Variants in SPOCK3 observed in about 807,000 individuals in gnomAD.
SPOCK3 encodes SPARC (osteonectin), cwcv and kazal like domains proteoglycan 3.
A neutral mutation model predicts 56.6 loss-of-function variants in SPOCK3; 30 were observed. The ratio of observed to expected loss-of-function variants is 0.53; its 90% CI spans 0.40 to 0.72. SPOCK3 has a LOEUF of 0.72. SPOCK3 is among the 30% of genes least tolerant of loss of function. SPOCK3 has a pLI of 0.00. For missense variants in SPOCK3, 527 were observed against 530.0 expected (o/e 0.99, Z 0.06); for synonymous variants, 196 against 183.3 (o/e 1.07, Z -0.56).
intron 4 of SPOCK3, among the ~76,000 whole-genome samples, chr4:166,949,082 T>C (rs1206198511): frequency 6.6e-6 from 1 of 152,178 alleles, no homozygotes; most frequent in Non-Finnish European, 1.5e-5. Flanking sequence ...TCTCACTTCA[T>C]TTCATTCATT....
chr4:166,997,534 C>T (rs1748510176), intron 4 of SPOCK3, among the ~76,000 whole-genome samples: 1 of 152,038 alleles, frequency 6.6e-6, no homozygotes, highest in South Asian at 2.1e-4. Flanking sequence ...TCAAAATTTT[C>T]TTCCTAAATA....
chr4:167,076,466 A>C (rs1481888422), intron 2 of SPOCK3, among the ~76,000 whole-genome samples: 1 of 151,860 alleles, frequency 6.6e-6, no homozygotes, highest in Admixed American at 6.6e-5. Flanking sequence ...TGTTCTAAAA[A>C]AAAGAAAAGT....
chr4:166,952,733 G>C (rs1742833233), intron 4 of SPOCK3, among the ~76,000 whole-genome samples: 1 of 152,134 alleles, frequency 6.6e-6, no homozygotes, highest in African/African-American at 2.4e-5. Context: ...TACCAAAACA[G>C]AGATATAGAT....
At chr4:167,134,221 T>G (rs926576795) in intron 2 of SPOCK3, among the ~76,000 whole-genome samples, 2 of 151,416 alleles carry the variant, frequency 1.3e-5, no homozygotes, top group South Asian at 4.2e-4. Context: ...TTTGTAGAGA[T>G]AGGGTTTCGC....
At chr4:166,847,285 T>C (rs2126856756) in intron 6 of SPOCK3, among the ~76,000 whole-genome samples, 1 of 152,184 alleles carries the variant, frequency 6.6e-6, no homozygotes, top group South Asian at 2.1e-4. Context: ...TTTATTTTAT[T>C]ATTCAGTCAG....
chr4:167,109,541 A>G (rs983895388), intron 2 of SPOCK3, among the ~76,000 whole-genome samples: 14 of 130,014 alleles, frequency 1.1e-4, no homozygotes, highest in African/African-American at 4.0e-4. Context: ...TATAAATATA[A>G]CTATATATGT....
At chr4:166,888,826 T>C (rs1263927392) in intron 6 of SPOCK3, among the ~76,000 whole-genome samples, 2 of 151,860 alleles carry the variant, frequency 1.3e-5, no homozygotes, top group African/African-American at 4.8e-5. Flanking sequence ...AAAAAAATGA[T>C]ATAAAACACA....
chr4:167,172,197 T>C (rs1730563431), intron 2 of SPOCK3, among the ~76,000 whole-genome samples: 1 of 152,100 alleles, frequency 6.6e-6, no homozygotes. Context: ...GGTACAACAT[T>C]TGCTGTGCCT....
chr4:167,053,067 C>T (rs1347257433), intron 3 of SPOCK3, among the ~76,000 whole-genome samples: 1 of 152,000 alleles, frequency 6.6e-6, no homozygotes, highest in Non-Finnish European at 1.5e-5. Context: ...ACATATCAGG[C>T]TGTGAATGTT....
intron 4 of SPOCK3, among the ~76,000 whole-genome samples, chr4:166,950,349 A>T (rs1230423578): frequency 3.3e-5 from 5 of 151,562 alleles, no homozygotes; most frequent in East Asian, 3.9e-4. Flanking sequence ...AGGCCATTAC[A>T]TAATGGTAAA....
intron 3 of SPOCK3, among the ~76,000 whole-genome samples, chr4:167,057,956 C>T (rs1312647846): frequency 6.6e-6 from 1 of 152,130 alleles, no homozygotes; most frequent in Non-Finnish European, 1.5e-5. Context: ...ATCTACAGAA[C>T]TCTCCACCCC....
rs1748823284 is a variant in SPOCK3, at chr4:167,000,357, A to G, written c.342T>C (p.Leu114=). 5 of 1,550,054 alleles carry G rather than the reference A, an allele frequency of 3.2e-6. No individual in the cohort carries two copies. Among genetic ancestry groups the G allele is most frequent in the Non-Finnish European group, 2.7e-6 (3 of 1,131,634 alleles). ...QTAVCISHRR[L]THRMKEAGVD... ...AATTTAACAATGTTTACCTGTGTGTAAGCCTCCGGTGACTAATGCAGACTG... is the reference window on the plus strand; with the variant it reads ...AATTTAACAATGTTTACCTGTGTGTGAGCCTCCGGTGACTAATGCAGACTG... Residue 114 remains leucine, a synonymous_variant, in exon 4 of 11, where the codon CTT becomes CTC. Coordinates refer to ENST00000357545, the MANE Select transcript of SPOCK3 (RefSeq NM_001040159.2).
rs755427328 is a variant in SPOCK3 at position 167,000,359 on chromosome 4, G to C, written c.340C>G (p.Leu114Val). Residue 114 changes from leucine to valine, a missense_variant, in exon 4 of 11, where the codon CTT becomes GTT. By Grantham distance (32) the Leu-to-Val change is conservative. Transcript: ENST00000357545. ...QTAVCISHRR[L>V]THRMKEAGVD... is the part of the protein sequence containing the mutation. ...TTTAACAATGTTTACCTGTGTGTAA[G>C]CCTCCGGTGACTAATGCAGACTGCA... The C allele has an allele frequency of 6.4e-7, 1 of 1,556,402 alleles. No individual in the cohort carries two copies. Among genetic ancestry groups the C allele is most frequent in the Non-Finnish European group, 8.8e-7 (1 of 1,136,870 alleles).
At chr4:167,147,698 C>G (rs1208230833) in intron 2 of SPOCK3, among the ~76,000 whole-genome samples, 1 of 152,094 alleles carries the variant, frequency 6.6e-6, no homozygotes, top group African/African-American at 2.4e-5. Context: ...TCTCAGCAAA[C>G]TATCACAAGA....
At chr4:166,873,699 A>G (rs960847756) in intron 6 of SPOCK3, among the ~76,000 whole-genome samples, 40 of 152,168 alleles carry the variant, frequency 2.6e-4, no homozygotes, top group Non-Finnish European at 4.9e-4. Context: ...TGTTACTACT[A>G]AATTAGTTTG....
Position 166,762,947 on chromosome 4 carries a change from C to A in SPOCK3, c.710-8218G>T, listed in dbSNP as rs1002026606. Among the ~76,000 whole-genome samples, 3 of 151,954 alleles carry A rather than the reference C, an allele frequency of 2.0e-5. No individual in the cohort carries two copies. The South Asian group carries it at 6.2e-4, about 31-fold the overall frequency. On this transcript the variant is annotated intron_variant, in intron 7 of 10. Transcript: ENST00000357545. The stretch of plus-strand genomic sequence containing the variant: ...GCCTTAACATATCAGCAATTGAGGT[C>A]TCAGAAGAATACTCGAAGTGTGGGG...
At chr4:167,147,936 T>C (rs889255155) in intron 2 of SPOCK3, among the ~76,000 whole-genome samples, 4 of 151,998 alleles carry the variant, frequency 2.6e-5, no homozygotes, top group Admixed American at 6.6e-5. Context: ...TCTGCACATG[T>C]ACCCCAGCAC....
intron 2 of SPOCK3, among the ~76,000 whole-genome samples, chr4:167,113,248 G>A (rs114479514): frequency 9.9e-4 from 150 of 152,102 alleles, no homozygotes; most frequent in Non-Finnish European, 1.8e-3. Flanking sequence ...ACTTAGATTC[G>A]TATTGAACAA....
At chr4:166,972,103 A>C (rs909321446) in intron 4 of SPOCK3, among the ~76,000 whole-genome samples, 6 of 152,154 alleles carry the variant, frequency 3.9e-5, no homozygotes, top group African/African-American at 1.4e-4. Context: ...CACTACTATA[A>C]ATTCAGCCTC....
Sources: allele counts gnomAD v4.1 joint callset (sites outside exome capture counted in the v4.1 genomes callset), GRCh38; gene constraint gnomAD v4.1.1; transcripts MANE v1.5; gene names NCBI Gene and HGNC (gene_info 2026-07-23, HGNC 2026-07-21).